RALGAPA1: variants seen among roughly 807,000 people sequenced by gnomAD.
The protein encoded by RALGAPA1 is Ral GTPase activating protein catalytic subunit alpha 1.
In RALGAPA1, 52 loss-of-function variants were observed where a neutral mutation model predicts 269.6. The ratio of observed to expected loss-of-function variants is 0.19; its 90% CI spans 0.15 to 0.24. The LOEUF (loss-of-function observed/expected upper bound fraction) is 0.24. RALGAPA1 is among the 10% of genes least tolerant of loss of function. The pLI, the probability that RALGAPA1 is intolerant of heterozygous loss-of-function variation, is 1.00. For missense variants in RALGAPA1, 1,917 were observed against 3,013.9 expected, an observed-to-expected ratio of 0.64 and a Z score of 8.52; for synonymous variants, 817 against 1,008.3, an observed-to-expected ratio of 0.81 and a Z score of 3.60.
chr14:35,777,369 G>A (rs1183311277), intron 1 of RALGAPA1, among the ~76,000 whole-genome samples: 2 of 152,148 alleles, frequency 1.3e-5, no homozygotes, highest in Non-Finnish European at 2.9e-5. Flanking sequence ...TTTATGCATA[G>A]AAGATACCAA....
At chr14:35,665,244 A>C (rs1204075493) in intron 26 of RALGAPA1, among the ~76,000 whole-genome samples, 1 of 152,222 alleles carries the variant, frequency 6.6e-6, no homozygotes, top group Admixed American at 6.5e-5. Flanking sequence ...TAAGAAAAGC[A>C]TTGCCTATAC....
At chr14:35,715,082 T>C (rs951112038) in intron 16 of RALGAPA1, among the ~76,000 whole-genome samples, 2 of 152,216 alleles carry the variant, frequency 1.3e-5, no homozygotes, top group African/African-American at 4.8e-5. Flanking sequence ...CTTACTCATT[T>C]GGTATATTAT....
intron 1 of RALGAPA1, among the ~76,000 whole-genome samples, chr14:35,807,278 A>T (rs1307183728): frequency 6.6e-6 from 1 of 152,172 alleles, no homozygotes; most frequent in African/African-American, 2.4e-5. Context: ...ACTGTGTCCT[A>T]TTCTCGGCTA....
chr14:35,664,638 T>C lies in RALGAPA1; in HGVS notation c.5328+4A>G. The C allele has an allele frequency of 1.3e-6, 2 of 1,598,948 alleles. No homozygotes were observed. The highest frequency in any genetic ancestry group is 1.7e-6 in the Non-Finnish European group (2 of 1,174,558). On this transcript the variant is annotated splice_donor_region_variant and intron_variant, in intron 27 of 41. Coordinates refer to ENST00000680220, the MANE Select transcript of RALGAPA1 (RefSeq NM_001346249.2). ...GTGCTAAAAATTAGCATCTCATTTC[T>C]TACCTTAACATCTGTAAACTGAGAC...
chr14:35,791,480 G>A (rs190876303), intron 1 of RALGAPA1, among the ~76,000 whole-genome samples: 20 of 152,136 alleles, frequency 1.3e-4, no homozygotes, highest in Admixed American at 3.3e-4. Flanking sequence ...GGTGGCAGGC[G>A]CCTGTAATCC....
In RALGAPA1 at chr14:35,625,390, T is replaced by C; in HGVS notation, c.6900A>G (p.Arg2300=). The part of the protein sequence containing the change: ...HLLKKNEKLL[R]ELRNLDSRQC... ...GCCTTGAATCCAAGTTCCTAAGTTC[T>C]CTAAGTAGCTTTTCATTTTTCTTCA... The change falls in exon 35 of 42, where the codon AGA becomes AGG. Residue 2300 remains arginine (R), a synonymous_variant. Coordinates refer to ENST00000680220, the MANE Select transcript of RALGAPA1 (RefSeq NM_001346249.2). 3 of 1,611,102 alleles carry C rather than the reference T, an allele frequency of 1.9e-6. No homozygotes were observed. The highest frequency in any genetic ancestry group is 1.7e-6 in the Non-Finnish European group (2 of 1,179,060).
chr14:35,808,543 A>G (rs368343822), intron 1 of RALGAPA1, among the ~76,000 whole-genome samples, 187 bp downstream of exon 1: 1 of 152,242 alleles, frequency 6.6e-6, no homozygotes, highest in Admixed American at 6.5e-5. Flanking sequence ...CTGTGTTAAC[A>G]GTAATCAGTG....
chr14:35,770,460 TAAA>T (rs901437752), intron 4 of RALGAPA1, among the ~76,000 whole-genome samples: 5 of 147,966 alleles, frequency 3.4e-5, no homozygotes, highest in Non-Finnish European at 6.0e-5. Context: ...GGCATCTGAT[TAAA>T]AAAAAAAGTA....
At chr14:35,638,891 A>C (rs1197295551) in intron 31 of RALGAPA1, among the ~76,000 whole-genome samples, 1 of 152,094 alleles carries the variant, frequency 6.6e-6, no homozygotes, top group Non-Finnish European at 1.5e-5. Context: ...GCGCCGCTGC[A>C]CTCCAGCCTG....
chr14:35,602,019 T>C (rs971899720), intron 36 of RALGAPA1, among the ~76,000 whole-genome samples: 2 of 152,220 alleles, frequency 1.3e-5, no homozygotes, highest in Non-Finnish European at 2.9e-5. Flanking sequence ...ACCTACTTTC[T>C]GTCTCTATAA....
At chr14:35,573,020 A>G (rs1359488014) in intron 37 of RALGAPA1, among the ~76,000 whole-genome samples, 1 of 152,174 alleles carries the variant, frequency 6.6e-6, no homozygotes, top group East Asian at 1.9e-4. Context: ...ATCTTTTAAA[A>G]GATTGTTTTA....
At chr14:35,728,279 T>C in intron 13 of RALGAPA1, 83 bp downstream of exon 13, 1 of 1,262,824 alleles carries the variant, frequency 7.9e-7, no homozygotes, top group Non-Finnish European at 1.0e-6. Context: ...CAAACCCTCT[T>C]CACAGACACT....
intron 35 of RALGAPA1, among the ~76,000 whole-genome samples, chr14:35,620,173 G>A (rs1448638349): frequency 2.0e-5 from 3 of 152,064 alleles, no homozygotes; most frequent in African/African-American, 2.4e-5. Flanking sequence ...CGATCAAGTC[G>A]GCTTCATCCC....
intron 13 of RALGAPA1, among the ~76,000 whole-genome samples, chr14:35,727,411 C>T (rs187256960): frequency 1.4e-5 from 2 of 147,746 alleles, no homozygotes; most frequent in Admixed American, 6.8e-5. Context: ...GGACAAACAT[C>T]ACTACTATCT....
intron 35 of RALGAPA1, among the ~76,000 whole-genome samples, chr14:35,623,350 G>GACACACAGACAT (rs1476837922): frequency 2.0e-5 from 3 of 149,370 alleles, no homozygotes; most frequent in Non-Finnish European, 4.5e-5. Flanking sequence ...CACACACACA[G>GACACACAGACAT]ACACACAGAC....
In RALGAPA1 at chr14:35,721,857, T is replaced by C. The variant is rs745665683; in HGVS notation, c.2105-8A>G. 2.5e-6 allele frequency: 4 copies of C among 1,611,568 alleles called. No homozygotes were observed. The highest frequency in any genetic ancestry group is 3.4e-6 in the Non-Finnish European group (4 of 1,177,720). ...GAAATTCATGTCCAACTCCTGGAAA[T>C]GTAGATTTTCAATCTCAATATACTG... On this transcript the variant is annotated splice_polypyrimidine_tract_variant and splice_region_variant and intron_variant, in intron 15 of 41. Transcript: ENST00000680220.
chr14:35,590,371 T>A (rs183104970), intron 37 of RALGAPA1, among the ~76,000 whole-genome samples: 1 of 152,252 alleles, frequency 6.6e-6, no homozygotes, highest in African/African-American at 2.4e-5. Flanking sequence ...GTAGTTGATA[T>A]AGTTTGCCTT....
intron 16 of RALGAPA1, among the ~76,000 whole-genome samples, chr14:35,706,360 T>C (rs1278982130): frequency 5.9e-5 from 9 of 152,194 alleles, no homozygotes; most frequent in Admixed American, 5.9e-4. Context: ...GGATGTCCAA[T>C]TGTTACAGCA....
intron 23 of RALGAPA1, 111 bp downstream of exon 23, chr14:35,674,405 C>T (rs1225065206): frequency 4.1e-6 from 5 of 1,232,430 alleles, no homozygotes; most frequent in Non-Finnish European, 4.5e-6. Context: ...CTTTGCCATG[C>T]AGGGTACCAG....
Sources: gnomAD v4.1 joint callset for allele counts (sites outside exome capture counted in the v4.1 genomes callset) on GRCh38, gnomAD v4.1.1 for gene constraint, MANE v1.5 for transcripts, NCBI Gene and HGNC (gene_info 2026-07-23, HGNC 2026-07-21) for gene names.